BBS12: variants seen among roughly 807,000 people sequenced by gnomAD.
The protein encoded by BBS12 is Bardet-Biedl syndrome 12, also known as chaperonin-containing T-complex member BBS12.
Under a neutral mutation model 5.6 loss-of-function variants are expected in BBS12, and 5 were observed. The ratio of observed to expected loss-of-function variants is 0.89; its 90% confidence interval spans 0.46 to 1.86. The LOEUF is 1.86. Among genes scored for constraint, BBS12 ranks in the 40% most tolerant of loss-of-function variants. BBS12 has a pLI of 0.01. For missense variants in BBS12, 748 were observed against 830.4 expected (o/e 0.90, Z 1.22); for synonymous variants, 308 against 306.8 (o/e 1.00, Z -0.04).
At chr4:122,733,376 A>ACAC (rs1800732065) in intron 1 of BBS12, among the ~76,000 whole-genome samples, 1 of 88,116 alleles carries the variant, frequency 1.1e-5, no homozygotes, top group African/African-American at 5.1e-5. Flanking sequence ...CTCCAACCCC[A>ACAC]ACACACACAC....
At chr4:122,718,455 T>C in the BBS12 span, among the ~76,000 whole-genome samples, 1 of 152,142 alleles carries the variant, frequency 6.6e-6, no homozygotes, top group Non-Finnish European at 1.5e-5. Flanking sequence ...ATAAAACAAC[T>C]GTGTGAAGAA....
At chr4:122,708,304 G>T in the BBS12 span, among the ~76,000 whole-genome samples, 1 of 152,114 alleles carries the variant, frequency 6.6e-6, no homozygotes, top group Non-Finnish European at 1.5e-5. Flanking sequence ...ATGGGGATGT[G>T]TCTGACCCTG....
the BBS12 span, among the ~76,000 whole-genome samples, chr4:122,721,903 G>A: frequency 6.6e-6 from 1 of 152,132 alleles, no homozygotes; most frequent in Non-Finnish European, 1.5e-5. Flanking sequence ...TTGATGAGAG[G>A]AATGTCAAAT....
At chr4:122,708,346 C>T in the BBS12 span, among the ~76,000 whole-genome samples, 1 of 152,100 alleles carries the variant, frequency 6.6e-6, no homozygotes, top group Admixed American at 6.5e-5. Context: ...ATGAGCTCTC[C>T]TATGAGAGAG....
chr4:122,726,579 AG>A, the BBS12 span, among the ~76,000 whole-genome samples: 1 of 152,234 alleles, frequency 6.6e-6, no homozygotes, highest in Non-Finnish European at 1.5e-5. Flanking sequence ...CTTTTCCCAG[AG>A]GAAAAGAAGT....
At chr4:122,704,661 A>T in the BBS12 span, among the ~76,000 whole-genome samples, 86 of 152,272 alleles carry the variant, frequency 5.6e-4, no homozygotes, top group African/African-American at 2.0e-3. Flanking sequence ...TCTGCCACTA[A>T]TTCTTCTCTC....
In BBS12 at chr4:122,742,918, T is replaced by C; in HGVS notation, c.1026T>C (p.Asn342=). 1 of 1,614,254 alleles carries C rather than the reference T, an allele frequency of 6.2e-7. No homozygotes were observed. The highest frequency in any genetic ancestry group is 1.1e-5 in the South Asian group (1 of 91,074). Residue 342 remains asparagine, a synonymous_variant, in exon 2 of 2, where the codon AAT becomes AAC. Transcript: ENST00000314218. ...PGYITVVSVS[N]NPVIKELQNQ... ...ATATCACTGTTGTGTCAGTATCTAA[T>C]AATCCTGTGATCAAGGAATTGCAGA... is the stretch of plus-strand genomic sequence containing the variant.
chr4:122,743,613 C>T lies in BBS12; in HGVS notation c.1721C>T (p.Ser574Phe). The T allele has an allele frequency of 1.2e-6, 2 of 1,614,156 alleles. No individual in the cohort carries two copies. The highest frequency in any genetic ancestry group is 2.2e-5 in the East Asian group (1 of 44,886). ...ACSGWLHNTS[S>F]WLASSLAIYR... The stretch of plus-strand genomic sequence containing the variant: ...TCAGGGTGGCTGCATAATACTTCCT[C>T]TTGGCTGGCTTCATCTCTGGCAATA... Residue 574 changes from serine to phenylalanine, a missense_variant, in exon 2 of 2, where the codon TCT (serine) becomes TTT (phenylalanine). By Grantham distance (155) the Ser-to-Phe change is radical (BLOSUM62 -2). Transcript: ENST00000314218.
the BBS12 span, among the ~76,000 whole-genome samples, chr4:122,714,779 TAAGTC>T: frequency 1.1e-4 from 16 of 152,138 alleles, no homozygotes; most frequent in East Asian, 3.9e-4. Flanking sequence ...TGTCAAGAAA[TAAGTC>T]AAGCTTTAAA....
At chr4:122,712,237 G>C in the BBS12 span, among the ~76,000 whole-genome samples, 1 of 152,136 alleles carries the variant, frequency 6.6e-6, no homozygotes, top group Non-Finnish European at 1.5e-5. Context: ...TACTGATAAG[G>C]CTCCTTCCTC....
chr4:122,717,495 AC>A, the BBS12 span, among the ~76,000 whole-genome samples: 4 of 152,100 alleles, frequency 2.6e-5, no homozygotes, highest in African/African-American at 9.7e-5. Flanking sequence ...CCAAACAACC[AC>A]AAAAAAAATC....
chr4:122,717,589 G>A, the BBS12 span, among the ~76,000 whole-genome samples: 2 of 152,162 alleles, frequency 1.3e-5, no homozygotes, highest in Admixed American at 1.3e-4. Context: ...GAGCGCAGTG[G>A]CGTGATCACG....
chr4:122,702,666 C>T, the BBS12 span, among the ~76,000 whole-genome samples: 1 of 152,202 alleles, frequency 6.6e-6, no homozygotes, highest in African/African-American at 2.4e-5. Flanking sequence ...GGAATCTTCA[C>T]CCAAATAAAC....
the BBS12 span, among the ~76,000 whole-genome samples, chr4:122,723,900 G>A: frequency 6.6e-6 from 1 of 152,300 alleles, no homozygotes; most frequent in South Asian, 2.1e-4. Flanking sequence ...TCAGATGCGT[G>A]TGTGACAAGC....
the BBS12 span, among the ~76,000 whole-genome samples, chr4:122,708,867 G>T: frequency 7.1e-6 from 1 of 140,848 alleles, no homozygotes; most frequent in African/African-American, 2.6e-5. Context: ...TCAAAAAGCT[G>T]TCAATTAATA....
At chr4:122,715,395 T>A in the BBS12 span, among the ~76,000 whole-genome samples, 2 of 151,892 alleles carry the variant, frequency 1.3e-5, no homozygotes, top group Admixed American at 1.3e-4. Flanking sequence ...CTTTGACAAG[T>A]AGTATTTCTA....
chr4:122,723,129 A>G, the BBS12 span, among the ~76,000 whole-genome samples: 1 of 152,154 alleles, frequency 6.6e-6, no homozygotes, highest in Admixed American at 6.5e-5. Flanking sequence ...CCATTAATCA[A>G]ATTTCAAATG....
intron 1 of BBS12, among the ~76,000 whole-genome samples, chr4:122,733,521 A>G (rs1800737577): frequency 1.3e-5 from 2 of 152,146 alleles, no homozygotes; most frequent in South Asian, 4.1e-4. Flanking sequence ...TAGTCTGATT[A>G]TCCAGTTGAT....
chr4:122,707,807 G>C, the BBS12 span, among the ~76,000 whole-genome samples: 1 of 152,092 alleles, frequency 6.6e-6, no homozygotes, highest in African/African-American at 2.4e-5. Context: ...TAAGTGTTCT[G>C]AGAGAAGCAG....
Sources: gnomAD v4.1 joint callset for allele counts (sites outside exome capture counted in the v4.1 genomes callset) on GRCh38, gnomAD v4.1.1 for gene constraint, MANE v1.5 for transcripts, NCBI Gene and HGNC (gene_info 2026-07-23, HGNC 2026-07-21) for gene names.